The following SLC17A1 variants were observed in gnomAD, a reference collection of about 807,000 sequenced individuals.
SLC17A1 encodes the protein solute carrier family 17 member 1, also known as sodium-dependent phosphate transport protein 1.
Under a neutral mutation model 53.5 loss-of-function variants are expected in SLC17A1, and 51 were observed. That is an observed-to-expected ratio of 0.95 (90% CI 0.76 to 1.20). The LOEUF is 1.20. SLC17A1 is among the 50% of genes most tolerant of loss of function. SLC17A1 has a pLI of 0.00. For missense variants in SLC17A1, 538 were observed against 568.2 expected, an observed-to-expected ratio of 0.95 and a Z score of 0.54; for synonymous variants, 179 against 198.8, an observed-to-expected ratio of 0.90 and a Z score of 0.84.
chr6:25,802,935 CTTTTTTTTTTT>C (rs34669145), intron 10 of SLC17A1, among the ~76,000 whole-genome samples: 840 of 46,146 alleles, frequency 0.018, 13 homozygotes, highest in African/African-American at 0.063. Flanking sequence ...CTATCTTCTT[CTTTTTTTTTTT>C]TTTTTTTTTT....
chr6:25,754,355 G>A, the SLC17A1 span, among the ~76,000 whole-genome samples: 1 of 152,148 alleles, frequency 6.6e-6, no homozygotes, highest in Admixed American at 6.5e-5. Flanking sequence ...TCTTTGGAAA[G>A]CTCAGTTCTA....
Position 25,826,456 on chromosome 6 carries a change from T to C in SLC17A1, c.207+5A>G. On this transcript the variant is annotated splice_donor_5th_base_variant and intron_variant, in intron 3 of 12. Coordinates refer to ENST00000244527, the MANE Select transcript of SLC17A1 (RefSeq NM_005074.5). ...ATTTGACTGTGGGGAAAATTATTGA[T>C]GTACCTTTATATTATCCAGGAGCTT... 1.3e-6 allele frequency: 2 copies of C among 1,587,194 alleles called. No homozygotes were observed. The highest frequency in any genetic ancestry group is 2.3e-5 in the South Asian group (2 of 86,470).
the SLC17A1 span, chr6:25,726,508 T>C: frequency 3.1e-6 from 5 of 1,610,820 alleles, no homozygotes; most frequent in Non-Finnish European, 4.2e-6. Context: ...TTTTCCTCCC[T>C]GCTTCCCTCG....
chr6:25,767,721 C>A, the SLC17A1 span, among the ~76,000 whole-genome samples: 7 of 152,114 alleles, frequency 4.6e-5, no homozygotes, highest in Admixed American at 1.3e-4. Context: ...AGCTGAGGTG[C>A]CCATTCTTAC....
At chr6:25,806,113 A>T (rs1020602213) in intron 10 of SLC17A1, among the ~76,000 whole-genome samples, 2 of 152,132 alleles carry the variant, frequency 1.3e-5, no homozygotes. Flanking sequence ...ATGAACATAG[A>T]TGAAAAATCC....
At chr6:25,726,556 G>A in the SLC17A1 span, 59 of 1,587,798 alleles carry the variant, frequency 3.7e-5, no homozygotes, top group African/African-American at 1.7e-4. Context: ...AGCAACACGA[G>A]AACCACATTT....
chr6:25,752,363 G>C, the SLC17A1 span, among the ~76,000 whole-genome samples: 1 of 152,098 alleles, frequency 6.6e-6, no homozygotes, highest in Non-Finnish European at 1.5e-5. Context: ...ACAGTAAAAA[G>C]ATAAAAAATG....
chr6:25,760,701 C>T, the SLC17A1 span, among the ~76,000 whole-genome samples: 1 of 152,170 alleles, frequency 6.6e-6, no homozygotes, highest in African/African-American at 2.4e-5. Flanking sequence ...ATTTACATAG[C>T]TCATTACCGT....
the SLC17A1 span, among the ~76,000 whole-genome samples, chr6:25,766,121 A>G: frequency 1.3e-5 from 2 of 150,522 alleles, no homozygotes; most frequent in African/African-American, 2.4e-5. Flanking sequence ...AAAATTTAAT[A>G]TTTAAAATAT....
the SLC17A1 span, among the ~76,000 whole-genome samples, chr6:25,746,062 G>A: frequency 6.6e-6 from 1 of 152,158 alleles, no homozygotes; most frequent in African/African-American, 2.4e-5. Flanking sequence ...ACAATAAATA[G>A]TATTAGCCGT....
intron 4 of SLC17A1, 25 bp downstream of exon 4, chr6:25,819,657 T>C (rs1369487923): frequency 6.2e-7 from 1 of 1,612,362 alleles, no homozygotes; most frequent in East Asian, 2.2e-5. Flanking sequence ...TTAAACTCTG[T>C]TCAGTTTTAG....
chr6:25,800,466 C>T (rs542215370), intron 11 of SLC17A1, among the ~76,000 whole-genome samples: 45 of 152,062 alleles, frequency 3.0e-4, no homozygotes, highest in African/African-American at 1.0e-3. Context: ...TAACTTTGTC[C>T]ATGACATGTG....
At chr6:25,753,107 G>A in the SLC17A1 span, among the ~76,000 whole-genome samples, 2 of 151,972 alleles carry the variant, frequency 1.3e-5, no homozygotes, top group African/African-American at 4.8e-5. Flanking sequence ...ACAAAATCAA[G>A]ACCATATTAG....
chr6:25,799,661 GAGAACTGT>G (rs1358169484), intron 11 of SLC17A1, among the ~76,000 whole-genome samples: 2 of 152,158 alleles, frequency 1.3e-5, no homozygotes, highest in African/African-American at 4.8e-5. Flanking sequence ...AGGGGCAGAT[GAGAACTGT>G]CTAAGTTAAC....
At chr6:25,769,056 A>G in the SLC17A1 span, 1 of 1,614,058 alleles carries the variant, frequency 6.2e-7, no homozygotes, top group Non-Finnish European at 8.5e-7. Context: ...CACCCAACAA[A>G]TGAACTTGAG....
At chr6:25,742,484 G>C in the SLC17A1 span, among the ~76,000 whole-genome samples, 2 of 117,146 alleles carry the variant, frequency 1.7e-5, no homozygotes, top group South Asian at 2.9e-4. Context: ...TTGAAATGCT[G>C]TTTTACAAAA....
intron 12 of SLC17A1, among the ~76,000 whole-genome samples, chr6:25,797,766 A>AT (rs1306565889): frequency 6.6e-6 from 1 of 151,912 alleles, no homozygotes; most frequent in East Asian, 1.9e-4. Flanking sequence ...CGCCTGGCTA[A>AT]TTTTTGTATG....
intron 3 of SLC17A1, among the ~76,000 whole-genome samples, chr6:25,826,166 T>C (rs1181514674): frequency 6.6e-6 from 1 of 152,144 alleles, no homozygotes; most frequent in Non-Finnish European, 1.5e-5. Flanking sequence ...CCACTCCTAA[T>C]TTAAAATGCT....
At chr6:25,820,555 T>G (rs1214992837) in intron 3 of SLC17A1, among the ~76,000 whole-genome samples, 4 of 152,154 alleles carry the variant, frequency 2.6e-5, no homozygotes, top group Non-Finnish European at 5.9e-5. Context: ...ATTCCTAGGT[T>G]AGAGGGCCTT....
Sources: gnomAD v4.1 joint callset for allele counts (sites outside exome capture counted in the v4.1 genomes callset) on GRCh38, gnomAD v4.1.1 for gene constraint, MANE v1.5 for transcripts, NCBI Gene and HGNC (gene_info 2026-07-23, HGNC 2026-07-21) for gene names.